TRIM33: variants seen among roughly 807,000 people sequenced by gnomAD.
The protein encoded by TRIM33 is E3 ubiquitin-protein ligase TRIM33.
TRIM33 carries 20 observed loss-of-function variants against 125.4 expected under a neutral mutation model. The ratio of observed to expected loss-of-function variants is 0.16; its 90% CI spans 0.11 to 0.23. TRIM33 has a LOEUF of 0.23. TRIM33 is among the 10% of genes least tolerant of loss of function. TRIM33 has a pLI of 1.00. For missense variants in TRIM33, 920 were observed against 1,411.4 expected (o/e 0.65, Z 5.58); for synonymous variants, 564 against 513.9 (o/e 1.10, Z -1.32).
At chr1:114,426,675 C>G (rs1647608215) in intron 8 of TRIM33, among the ~76,000 whole-genome samples, 1 of 152,068 alleles carries the variant, frequency 6.6e-6, no homozygotes, top group Non-Finnish European at 1.5e-5. Flanking sequence ...TAACTTTCAT[C>G]TATGGTCTTT....
At chr1:114,461,277 A>T (rs1420574970) in intron 4 of TRIM33, among the ~76,000 whole-genome samples, 1 of 142,868 alleles carries the variant, frequency 7.0e-6, no homozygotes, top group Non-Finnish European at 1.5e-5. Context: ...TTATATATTT[A>T]TTATTATTAT....
At chr1:114,482,984 T>C (rs956210184) in intron 1 of TRIM33, among the ~76,000 whole-genome samples, 2 of 152,176 alleles carry the variant, frequency 1.3e-5, no homozygotes, top group Admixed American at 1.3e-4. Flanking sequence ...GAACCTCTTA[T>C]GCCAAGTTAG....
intron 8 of TRIM33, 135 bp downstream of exon 8, chr1:114,427,042 A>G: frequency 2.0e-6 from 1 of 504,468 alleles, no homozygotes; most frequent in Non-Finnish European, 3.6e-6. Context: ...TTTCCAATGA[A>G]TAACAACATA....
intron 1 of TRIM33, among the ~76,000 whole-genome samples, chr1:114,481,505 C>T (rs1461063704): frequency 1.3e-5 from 2 of 150,664 alleles, no homozygotes; most frequent in East Asian, 4.1e-4. Context: ...CCAGGAGAAT[C>T]GCCTGAATCT....
intron 1 of TRIM33, among the ~76,000 whole-genome samples, chr1:114,506,300 T>C (rs987218323): frequency 8.6e-5 from 13 of 151,286 alleles, no homozygotes; most frequent in Non-Finnish European, 2.9e-5. Context: ...GGAGAATCAC[T>C]TGAACCCAGG....
intron 17 of TRIM33, among the ~76,000 whole-genome samples, chr1:114,400,995 G>A (rs1289464279): frequency 6.6e-6 from 1 of 151,734 alleles, no homozygotes; most frequent in African/African-American, 2.4e-5. Flanking sequence ...CCAGAAGGCT[G>A]AGGTGTAATA....
chr1:114,458,856 C>T (rs1301968441), intron 4 of TRIM33, among the ~76,000 whole-genome samples: 1 of 151,806 alleles, frequency 6.6e-6, no homozygotes, highest in African/African-American at 2.4e-5. Context: ...GCAAAATAAC[C>T]CTGGCAGCAA....
intron 1 of TRIM33, among the ~76,000 whole-genome samples, chr1:114,471,349 G>C (rs1650638406): frequency 6.6e-6 from 1 of 151,780 alleles, no homozygotes; most frequent in African/African-American, 2.4e-5. Flanking sequence ...GCTGAGGCAG[G>C]AGAACTGCTT....
chr1:114,420,981 A>G (rs1464734989), intron 11 of TRIM33, among the ~76,000 whole-genome samples: 4 of 152,238 alleles, frequency 2.6e-5, no homozygotes. Flanking sequence ...CTAAATGTCC[A>G]TCAATGGATG....
chr1:114,477,262 T>TA lies in TRIM33; in HGVS notation c.527-12875dup, dbSNP rs1241813535. ...ATTCAGACATTTTTAGTAAGAACAC[T>TA]AAAAAAGAGAAGCAAACAACCTAAA... On this transcript the variant is annotated intron_variant, in intron 1 of 19. Coordinates refer to ENST00000358465, the MANE Select transcript of TRIM33 (RefSeq NM_015906.4). 6.8e-5 allele frequency among the ~76,000 whole-genome samples: 10 copies of TA among 147,370 alleles called. No homozygotes were observed. In the South Asian group the frequency reaches 2.1e-3, roughly 31 times the overall value.
chr1:114,456,591 T>C (rs1327202449), intron 4 of TRIM33, among the ~76,000 whole-genome samples: 1 of 152,172 alleles, frequency 6.6e-6, no homozygotes, highest in African/African-American at 2.4e-5. Context: ...TCTTTTTTTA[T>C]TTTACCTCCA....
At chr1:114,440,502 ACT>A (rs1161695152) in intron 4 of TRIM33, among the ~76,000 whole-genome samples, 2 of 152,172 alleles carry the variant, frequency 1.3e-5, no homozygotes, top group Non-Finnish European at 2.9e-5. Context: ...AAATACATGT[ACT>A]CTATTTAAAG....
chr1:114,452,612 G>C (rs1474216723), intron 4 of TRIM33, among the ~76,000 whole-genome samples: 3 of 151,610 alleles, frequency 2.0e-5, no homozygotes, highest in African/African-American at 7.3e-5. Flanking sequence ...AGAAGAGATG[G>C]GAGCTGGGTG....
chr1:114,481,092 A>T (rs1340037230), intron 1 of TRIM33, among the ~76,000 whole-genome samples: 1 of 152,036 alleles, frequency 6.6e-6, no homozygotes, highest in Non-Finnish European at 1.5e-5. Flanking sequence ...GAATAGCTTG[A>T]ACCCCAGGAG....
intron 1 of TRIM33, among the ~76,000 whole-genome samples, chr1:114,479,872 C>T (rs1221587248): frequency 1.3e-5 from 2 of 152,184 alleles, no homozygotes; most frequent in Non-Finnish European, 2.9e-5. Context: ...AAGGGGGCGC[C>T]TCCACCCGGC....
intron 4 of TRIM33, among the ~76,000 whole-genome samples, chr1:114,458,367 C>T (rs1297038778): frequency 6.6e-6 from 1 of 152,132 alleles, no homozygotes; most frequent in African/African-American, 2.4e-5. Context: ...AAATCTAAGA[C>T]TAGTGTTTGA....
intron 1 of TRIM33, among the ~76,000 whole-genome samples, chr1:114,485,483 T>A (rs536117834): frequency 3.3e-5 from 5 of 152,140 alleles, no homozygotes; most frequent in Non-Finnish European, 7.4e-5. Context: ...CCCTATTATG[T>A]AGCAATCCAG....
intron 4 of TRIM33, among the ~76,000 whole-genome samples, chr1:114,458,987 A>C (rs1338121451): frequency 6.6e-6 from 1 of 152,250 alleles, no homozygotes; most frequent in Non-Finnish European, 1.5e-5. Flanking sequence ...CAGTCCATCC[A>C]GAGAAAATAA....
intron 4 of TRIM33, among the ~76,000 whole-genome samples, chr1:114,445,430 G>A (rs1471385585): frequency 1.3e-5 from 2 of 152,070 alleles, no homozygotes; most frequent in Non-Finnish European, 1.5e-5. Context: ...TGGTAGAGAT[G>A]GGGTCTTACT....
Sources: allele counts gnomAD v4.1 joint callset (sites outside exome capture counted in the v4.1 genomes callset), GRCh38; gene constraint gnomAD v4.1.1; transcripts MANE v1.5; gene names NCBI Gene and HGNC (gene_info 2026-07-23, HGNC 2026-07-21).